The following MTF1 variants were observed in gnomAD, a reference collection of about 807,000 sequenced individuals.
The protein encoded by MTF1 is MRE-binding transcription factor.
MTF1 carries 22 observed loss-of-function variants against 70.4 expected under a neutral mutation model. The observed-to-expected ratio is 0.31, with a 90% CI of 0.22 to 0.45. The LOEUF (loss-of-function observed/expected upper bound fraction) is 0.45. Among genes scored for constraint, MTF1 ranks in the 20% least tolerant of loss-of-function variants. The pLI is 1.00. For synonymous variants in MTF1, 333 were observed against 352.8 expected, an observed-to-expected ratio of 0.94 and a Z score of 0.63; for missense variants, 649 against 922.0, an observed-to-expected ratio of 0.70 and a Z score of 3.83.
intron 2 of MTF1, among the ~76,000 whole-genome samples, chr1:37,845,020 G>A (rs1641312681): frequency 6.6e-6 from 1 of 152,210 alleles, no homozygotes; most frequent in Non-Finnish European, 1.5e-5. Flanking sequence ...ATAAATATTT[G>A]TCCAATTAAA....
At chr1:37,817,570 T>C in intron 9 of MTF1, 88 bp from the exon 10 acceptor site, 1 of 888,174 alleles carries the variant, frequency 1.1e-6, no homozygotes, top group Non-Finnish European at 1.9e-6. Context: ...GTAATGGTCA[T>C]CCAAGAAGAC....
chr1:37,819,823 A>T (rs1640882925), intron 9 of MTF1, among the ~76,000 whole-genome samples: 1 of 151,966 alleles, frequency 6.6e-6, no homozygotes, highest in Admixed American at 6.6e-5. Flanking sequence ...GTGCTGGTGC[A>T]TGCCTGTAGT....
At chr1:37,858,267 G>C (rs1243940284) in intron 1 of MTF1, among the ~76,000 whole-genome samples, 1 of 152,188 alleles carries the variant, frequency 6.6e-6, no homozygotes, top group South Asian at 2.1e-4. Flanking sequence ...GTTTATGGTA[G>C]AAGGAGCAAG....
intron 9 of MTF1, among the ~76,000 whole-genome samples, chr1:37,817,727 C>T (rs1640841396): frequency 6.6e-6 from 1 of 152,194 alleles, no homozygotes; most frequent in Non-Finnish European, 1.5e-5. Context: ...GCTGCCTAAT[C>T]CAGTAGGTTC....
chr1:37,846,378 G>A (rs1417920686), intron 2 of MTF1, among the ~76,000 whole-genome samples: 1 of 147,492 alleles, frequency 6.8e-6, no homozygotes, highest in Admixed American at 6.8e-5. Flanking sequence ...GGGTGATGGA[G>A]TGAGACCCCA....
intron 2 of MTF1, among the ~76,000 whole-genome samples, chr1:37,847,560 C>T (rs1265007377): frequency 5.9e-5 from 9 of 152,168 alleles, no homozygotes; most frequent in Non-Finnish European, 4.4e-5. Flanking sequence ...GCCTGGTGCC[C>T]CAAATGCCCA....
At chr1:37,835,765 G>T in intron 4 of MTF1, 21 bp from the exon 5 acceptor site, 1 of 1,597,982 alleles carries the variant, frequency 6.3e-7, no homozygotes, top group Non-Finnish European at 8.6e-7. Flanking sequence ...TAAGGAAAGA[G>T]AAACAGGAGT....
At position 37,822,658 on chromosome 1, in the gene MTF1, G is replaced by C; in HGVS notation, c.1230C>G (p.Ser410=). Residue 410 remains serine (S), a synonymous_variant, in exon 9 of 11, where the codon TCC becomes TCG. Transcript: ENST00000373036. The part of the protein sequence containing the change: ...DAESVSDVPP[S]TGNSASLSLP... Reference sequence around the variant, plus strand: ...GAGATAAAGATGCTGAATTTCCTGTGGATGGCGGAACATCACTGACTGACT... The same window carrying C: ...GAGATAAAGATGCTGAATTTCCTGTCGATGGCGGAACATCACTGACTGACT... 1 of 1,613,804 alleles carries C rather than the reference G, an allele frequency of 6.2e-7. No homozygotes were observed. Among genetic ancestry groups the C allele is most frequent in the South Asian group, 1.1e-5 (1 of 91,082 alleles).
chr1:37,858,704 G>C (rs575372891), intron 1 of MTF1, among the ~76,000 whole-genome samples: 2 of 152,282 alleles, frequency 1.3e-5, no homozygotes, highest in Admixed American at 1.3e-4. Flanking sequence ...AAGAGTTCAG[G>C]AAATGTCAGC....
rs751972136 is a variant in MTF1 at position 37,822,661 on chromosome 1, T to C, written c.1227A>G (p.Pro409=). The C allele has an allele frequency of 1.7e-5, 27 of 1,613,646 alleles. No homozygotes were observed. Among genetic ancestry groups the C allele is most frequent in the Non-Finnish European group, 2.1e-5 (25 of 1,180,024 alleles). Residue 409 remains proline (P), a synonymous_variant, in exon 9 of 11, where the codon CCA becomes CCG. Coordinates refer to ENST00000373036, the MANE Select transcript of MTF1 (RefSeq NM_005955.3). Reference sequence around the variant, plus strand: ...ATAAAGATGCTGAATTTCCTGTGGATGGCGGAACATCACTGACTGACTCTG... The same window carrying C: ...ATAAAGATGCTGAATTTCCTGTGGACGGCGGAACATCACTGACTGACTCTG... ...GDAESVSDVP[P]STGNSASLSL...
Position 37,857,457 on chromosome 1 carries a change from C to T in MTF1, c.202G>A (p.Gly68Arg), listed in dbSNP as rs371879666. The T allele has an allele frequency of 1.9e-6, 3 of 1,614,170 alleles. No individual in the cohort carries two copies. Among genetic ancestry groups the T allele is most frequent in the Admixed American group, 1.7e-5 (1 of 60,020 alleles). Reference protein sequence around the residue: ...LEDEDDDGQCGEHLPFLVGGE... With the variant: ...LEDEDDDGQCREHLPFLVGGE... ...CCTACTAGAAAAGGCAAGTGTTCTC[C>T]GCACTGTCCGTCGTCATCTTCATCC... Residue 68 changes from glycine to arginine, a missense_variant, in exon 2 of 11, where the codon GGA becomes AGA. Physicochemically the swap from Gly to Arg is moderately radical, Grantham distance 125 (BLOSUM62 -2). Around this residue, in one of 7 missense-constraint regions of MTF1, gnomAD observed 44 missense variants for 38.1 expected, o/e 1.15. Coordinates refer to ENST00000373036, the MANE Select transcript of MTF1 (RefSeq NM_005955.3).
chr1:37,838,481 G>T, intron 4 of MTF1, 144 bp downstream of exon 4: 1 of 554,756 alleles, frequency 1.8e-6, no homozygotes, highest in Non-Finnish European at 3.0e-6. Flanking sequence ...GCAGTGGTTG[G>T]TTATAGCTGT....
At position 37,840,606 on chromosome 1, in the gene MTF1, A is replaced by G. The variant is rs1414945514; in HGVS notation, c.409-448T>C. The G allele has an allele frequency of 4.7e-6, 2 of 424,424 alleles. No homozygotes were observed. Among genetic ancestry groups the G allele is most frequent in the African/African-American group, 2.0e-5 (1 of 48,790 alleles). The allele number at this position is 424,424 out of a possible 1,614,324, so 26.3% of individuals were successfully genotyped here. ...AAATTTACATACTTAATCATCAAAC[A>G]TATTTCCCTAGATTGTTTCCACTGC... is the stretch of plus-strand genomic sequence containing the variant. On this transcript the variant is annotated intron_variant, in intron 2 of 10. Coordinates refer to ENST00000373036, the MANE Select transcript of MTF1 (RefSeq NM_005955.3). This position sits in a 1 kb window ranked among gnomAD's most constrained non-coding sequence, Gnocchi z 4.5.
At chr1:37,847,127 C>G (rs1339055691) in intron 2 of MTF1, among the ~76,000 whole-genome samples, 4 of 152,210 alleles carry the variant, frequency 2.6e-5, no homozygotes, top group African/African-American at 9.7e-5. Context: ...ACCATGAGAG[C>G]TGACTTCATC....
intron 2 of MTF1, among the ~76,000 whole-genome samples, chr1:37,856,155 T>C (rs1300192848): frequency 6.6e-6 from 1 of 150,596 alleles, no homozygotes; most frequent in Non-Finnish European, 1.5e-5. Context: ...ATTTACTGTC[T>C]CTTGCCTGAA....
At chr1:37,824,928 A>T (rs1640979049) in intron 7 of MTF1, among the ~76,000 whole-genome samples, 1 of 152,160 alleles carries the variant, frequency 6.6e-6, no homozygotes. Flanking sequence ...CAATGTCCTG[A>T]GGGCCTGCCT....
intron 2 of MTF1, among the ~76,000 whole-genome samples, chr1:37,851,387 C>G (rs1209271957): frequency 6.6e-6 from 1 of 152,164 alleles, no homozygotes; most frequent in Non-Finnish European, 1.5e-5. Context: ...ACAAGAATGG[C>G]AAACCAGACT....
intron 7 of MTF1, among the ~76,000 whole-genome samples, chr1:37,825,496 CA>C (rs1640989561): frequency 6.6e-6 from 1 of 152,158 alleles, no homozygotes; most frequent in African/African-American, 2.4e-5. Flanking sequence ...CCCAGCCTCC[CA>C]AAGTGCTGGG....
intron 7 of MTF1, among the ~76,000 whole-genome samples, chr1:37,824,015 T>A (rs1036346077): frequency 6.6e-6 from 1 of 152,200 alleles, no homozygotes; most frequent in Non-Finnish European, 1.5e-5. Context: ...TTTTTATTTA[T>A]TTATTTTTTA....
Sources: gnomAD v4.1 joint callset for allele counts (sites outside exome capture counted in the v4.1 genomes callset) on GRCh38, gnomAD v4.1.1 for gene constraint, gnomAD v4.1.1 regional missense constraint, Gnocchi (gnomAD v3.1) non-coding constraint, MANE v1.5 for transcripts, NCBI Gene and HGNC (gene_info 2026-07-23, HGNC 2026-07-21) for gene names.